Variants in PCDHA5 observed in about 807,000 individuals in gnomAD.
PCDHA5 encodes protocadherin alpha 5, also known as protocadherin alpha-5.
Under a neutral mutation model 61.6 loss-of-function variants are expected in PCDHA5, and 43 were observed. The ratio of observed to expected loss-of-function variants is 0.70; its 90% CI spans 0.55 to 0.90. The LOEUF (loss-of-function observed/expected upper bound fraction) is 0.90. Ranked by LOEUF, PCDHA5 falls within the 40% of genes least tolerant of loss-of-function variation. The pLI is 0.00. For missense variants in PCDHA5, 1,298 were observed against 1,222.7 expected, an observed-to-expected ratio of 1.06 and a Z score of -0.92; for synonymous variants, 627 against 543.9, an observed-to-expected ratio of 1.15 and a Z score of -2.13.
intron 1 of PCDHA5, chr5:140,864,197 G>A (rs2048362384): frequency 6.6e-6 from 1 of 152,118 alleles, no homozygotes; most frequent in Non-Finnish European, 1.5e-5. Context: ...ATCCTTATGA[G>A]AAGGTCAAAT....
Position 141,009,759 on chromosome 5 carries a change from GATCTCCTGCAATCATCTCC to G in PCDHA5, c.2637_2655del (p.Pro880GlyfsTer15). 6.2e-7 allele frequency: 1 copy of G among 1,614,082 alleles called. No individual in the cohort carries two copies. The highest frequency in any genetic ancestry group is 8.5e-7 in the Non-Finnish European group (1 of 1,180,014). On this transcript the variant is annotated frameshift_variant, in exon 4 of 4. Transcript: ENST00000529859. LOFTEE classifies it high-confidence loss of function. Reference sequence around the variant, plus strand: ...TTGCCCGACAAATTCATTATCCCAGGATCTCCTGCAATCATCTCCATCCGGCAGGAGCCTACTAACAGCC... The same window carrying G: ...TTGCCCGACAAATTCATTATCCCAGGATCCGGCAGGAGCCTACTAACAGCC...
intron 1 of PCDHA5, among the ~76,000 whole-genome samples, chr5:140,885,555 C>T (rs1225816980): frequency 3.3e-5 from 5 of 151,940 alleles, no homozygotes; most frequent in South Asian, 2.1e-4. Flanking sequence ...GTTATTTCTA[C>T]GAAATTGATT....
intron 1 of PCDHA5, among the ~76,000 whole-genome samples, chr5:140,895,848 G>C (rs147299280): frequency 2.2e-3 from 342 of 152,098 alleles, no homozygotes; most frequent in African/African-American, 8.1e-3. Context: ...TCTCACTCTT[G>C]TACCCCAGGC....
intron 1 of PCDHA5, chr5:140,841,071 T>TAAATTATGATAA (rs1198848273): frequency 1.2e-5 from 6 of 492,312 alleles, no homozygotes; most frequent in Non-Finnish European, 2.1e-5. Context: ...GATAAAGAAA[T>TAAATTATGATAA]AGAAAGTGCA....
At chr5:140,980,448 G>A (rs1333028932) in intron 2 of PCDHA5, among the ~76,000 whole-genome samples, 7 of 152,122 alleles carry the variant, frequency 4.6e-5, no homozygotes, top group African/African-American at 9.7e-5. Flanking sequence ...TGGACAACAC[G>A]GTGAAACCCT....
chr5:140,824,247 C>A (rs1379279128), intron 1 of PCDHA5, 120 bp downstream of exon 1: 2 of 1,431,764 alleles, frequency 1.4e-6, no homozygotes, highest in South Asian at 1.2e-5. Flanking sequence ...TTGTGGTACA[C>A]AATTATTGCA....
chr5:140,925,151 T>G (rs1378736882), intron 1 of PCDHA5, among the ~76,000 whole-genome samples: 3 of 151,748 alleles, frequency 2.0e-5, no homozygotes, highest in African/African-American at 7.3e-5. Context: ...ACACAAAAGT[T>G]GAGAGAATTG....
intron 1 of PCDHA5, among the ~76,000 whole-genome samples, chr5:140,949,318 T>C (rs1554218908): frequency 6.6e-6 from 1 of 151,876 alleles, no homozygotes; most frequent in African/African-American, 2.4e-5. Flanking sequence ...GATTTATAAA[T>C]ATAAATTATT....
intron 1 of PCDHA5, among the ~76,000 whole-genome samples, chr5:140,895,371 T>C (rs1554186488): frequency 1.3e-5 from 2 of 152,304 alleles, no homozygotes; most frequent in East Asian, 3.9e-4. Context: ...TTGGCACTTT[T>C]TGGAGTTCTT....
At chr5:140,866,296 A>T (rs2049269688) in intron 1 of PCDHA5, 4 of 152,164 alleles carry the variant, frequency 2.6e-5, no homozygotes, top group Admixed American at 2.6e-4. Flanking sequence ...ACAAGTATAG[A>T]TGTTGATATT....
At chr5:140,987,124 G>T (rs2097230182) in intron 3 of PCDHA5, among the ~76,000 whole-genome samples, 1 of 151,678 alleles carries the variant, frequency 6.6e-6, no homozygotes, top group Non-Finnish European at 1.5e-5. Flanking sequence ...TGAGGCAGGA[G>T]AATTGCTTGA....
At chr5:140,869,066 T>G (rs782722664) in intron 1 of PCDHA5, 1 of 1,567,422 alleles carries the variant, frequency 6.4e-7, no homozygotes, top group Non-Finnish European at 8.6e-7. Context: ...GTACTGTAAG[T>G]GTAAAGAAGC....
At chr5:140,942,601 GT>G (rs1453167051) in intron 1 of PCDHA5, among the ~76,000 whole-genome samples, 1 of 130,480 alleles carries the variant, frequency 7.7e-6, no homozygotes, top group Non-Finnish European at 1.6e-5. Flanking sequence ...TAATTATAGT[GT>G]TTATATTTGC....
chr5:140,965,924 C>A (rs548082207), intron 1 of PCDHA5, among the ~76,000 whole-genome samples: 1 of 152,212 alleles, frequency 6.6e-6, no homozygotes, highest in Non-Finnish European at 1.5e-5. Context: ...TTTAGGCTTG[C>A]TCCCGGAAAG....
At chr5:140,842,429 G>A (rs2150335893) in intron 1 of PCDHA5, 3 of 1,613,436 alleles carry the variant, frequency 1.9e-6, no homozygotes, top group Non-Finnish European at 1.7e-6. Flanking sequence ...TACTGTCATC[G>A]CCCTAATTAG....
intron 1 of PCDHA5, chr5:140,968,791 C>G (rs2096270570): frequency 2.5e-6 from 4 of 1,614,076 alleles, no homozygotes; most frequent in Non-Finnish European, 3.4e-6. Flanking sequence ...CCTCTGTGGC[C>G]ATTACAGTAG....
intron 1 of PCDHA5, chr5:140,854,159 C>CA (rs59855104): frequency 0.067 from 22,471 of 337,648 alleles, 281 homozygotes; most frequent in African/African-American, 0.075. Flanking sequence ...GATTCTGTCT[C>CA]AAAAAAAAAA....
At chr5:140,877,048 G>T (rs376952553) in intron 1 of PCDHA5, 1 of 1,612,676 alleles carries the variant, frequency 6.2e-7, no homozygotes, top group Non-Finnish European at 8.5e-7. Flanking sequence ...GCTAGACCAC[G>T]AGGAGCTGGA....
At chr5:140,851,713 T>C in intron 1 of PCDHA5, 1 of 961,328 alleles carries the variant, frequency 1.0e-6, no homozygotes, top group Non-Finnish European at 1.3e-6. Context: ...ATGTGAAGAT[T>C]CGAAACTTCG....
Sources: gnomAD v4.1 joint callset for allele counts (sites outside exome capture counted in the v4.1 genomes callset) on GRCh38, gnomAD v4.1.1 for gene constraint, MANE v1.5 for transcripts, NCBI Gene and HGNC (gene_info 2026-07-23, HGNC 2026-07-21) for gene names.